The following SLC66A1 variants were observed in gnomAD, a reference collection of about 807,000 sequenced individuals.
The protein encoded by SLC66A1 is lysosomal amino acid transporter 1 homolog.
A neutral mutation model predicts 33.0 loss-of-function variants in SLC66A1; 23 were observed. That is an observed-to-expected ratio of 0.70 (90% CI 0.50 to 0.99). The LOEUF is 0.99. Ranked by LOEUF, SLC66A1 falls within the 50% of genes least tolerant of loss-of-function variation. The pLI is 0.00. For synonymous variants in SLC66A1, 164 were observed against 175.5 expected, an observed-to-expected ratio of 0.93 and a Z score of 0.52; for missense variants, 335 against 383.6, an observed-to-expected ratio of 0.87 and a Z score of 1.06.
Position 19,327,375 on chromosome 1 carries a change from T to C in SLC66A1, c.767T>C (p.Leu256Pro), listed in dbSNP as rs767598807. The C allele has an allele frequency of 2.5e-6, 4 of 1,605,092 alleles. No homozygotes were observed. Among genetic ancestry groups the C allele is most frequent in the Non-Finnish European group, 3.4e-6 (4 of 1,175,454 alleles). The change falls in exon 7 of 8, where the codon CTT becomes CCT. Residue 256 changes from leucine (L) to proline (P), a missense_variant. Physicochemically the swap from Leu to Pro is moderately conservative, Grantham distance 98. Coordinates refer to ENST00000375153, the MANE Select transcript of SLC66A1 (RefSeq NM_001040125.2). ...TACCTGCTGCACCACCTGCCCTGGC[T>C]TGTGGGCAGCCTGGGCGTGCTGCTG... ...GSYLLHHLPW[L>P]VGSLGVLLLD...
At position 19,324,172 on chromosome 1, in the gene SLC66A1, C is replaced by A. The variant is rs150800878; in HGVS notation, c.165-461C>A. On this transcript the variant is annotated intron_variant, in intron 2 of 7. Transcript: ENST00000375153. ...TCTGCCTGTCTTGGCTACAGCTGCT[C>A]CTGGAGACCCGGCGTGCCCAGGCCT... Among the ~76,000 whole-genome samples the A allele has an allele frequency of 2.4e-3, 371 of 152,382 alleles. 2 individuals are homozygous for A. Among genetic ancestry groups the A allele is most frequent in the African/African-American group, 8.3e-3 (347 of 41,594 alleles).
rs961129608 is a variant in SLC66A1, at chr1:19,328,584, T to C, written c.817T>C (p.Phe273Leu). Reference sequence around the variant, plus strand: ...GCGGCACCCCCAGATCTCCATCCAGTTCCTGGTGTACAGGCGCAGCACCGC... The same window carrying C: ...GCGGCACCCCCAGATCTCCATCCAGCTCCTGGTGTACAGGCGCAGCACCGC... The part of the protein sequence containing the change: ...LLLDTIISIQ[F>L]LVYRRSTAAS... Residue 273 changes from phenylalanine to leucine, a missense_variant, in exon 8 of 8, where the codon TTC becomes CTC. Transcript: ENST00000375153. This position sits in a 1 kb window ranked among gnomAD's most constrained non-coding sequence, Gnocchi z 4.7. 11 of 1,613,346 alleles carry C rather than the reference T, an allele frequency of 6.8e-6. No homozygotes were observed. The highest frequency in any genetic ancestry group is 1.7e-5 in the Admixed American group (1 of 59,966).
At chr1:19,322,623 G>A (rs1442766228) in intron 2 of SLC66A1, among the ~76,000 whole-genome samples, 2 of 152,156 alleles carry the variant, frequency 1.3e-5, no homozygotes, top group Non-Finnish European at 2.9e-5. Context: ...AGATGCCAGC[G>A]GAGCTCGTGT....
At chr1:19,323,866 C>A (rs1298761599) in intron 2 of SLC66A1, among the ~76,000 whole-genome samples, 3 of 152,184 alleles carry the variant, frequency 2.0e-5, no homozygotes, top group Non-Finnish European at 2.9e-5. Flanking sequence ...TTCCTCCAGG[C>A]CCAGTGAGGA....
rs1016477584 is a variant in SLC66A1 at position 19,314,555 on chromosome 1, G to A, written c.-79+1666G>A. Among the ~76,000 whole-genome samples the A allele has an allele frequency of 5.9e-5, 9 of 152,316 alleles. No individual in the cohort carries two copies. In the East Asian group the frequency reaches 7.7e-4, roughly 13 times the overall value. Reference sequence around the variant, plus strand: ...CTGGACTCTCATCCTGAAAACAGTCGCTGCCATGTGTTGTCAGGCACAGGG... The same window carrying A: ...CTGGACTCTCATCCTGAAAACAGTCACTGCCATGTGTTGTCAGGCACAGGG... On this transcript the variant is annotated intron_variant, in intron 1 of 7. Coordinates refer to ENST00000375153, the MANE Select transcript of SLC66A1 (RefSeq NM_001040125.2).
chr1:19,322,248 G>C (rs1019240708), intron 2 of SLC66A1, among the ~76,000 whole-genome samples: 2 of 152,132 alleles, frequency 1.3e-5, no homozygotes, highest in African/African-American at 4.8e-5. Flanking sequence ...CTGTCCAGGG[G>C]TGAGAGCTTC....
At chr1:19,325,646 GGC>G in intron 4 of SLC66A1, 64 bp downstream of exon 4, 1 of 1,272,034 alleles carries the variant, frequency 7.9e-7, no homozygotes, top group Non-Finnish European at 1.1e-6. Flanking sequence ...TGTGGGGGGG[GGC>G]GCCTGGAGTG....
chr1:19,324,507 C>T, intron 2 of SLC66A1, 126 bp from the exon 3 acceptor site: 1 of 1,233,860 alleles, frequency 8.1e-7, no homozygotes, highest in East Asian at 2.4e-5. Flanking sequence ...GATGGGCCGC[C>T]AGGCCACTTC....
downstream of SLC66A1, among the ~76,000 whole-genome samples, chr1:19,330,720 C>T (rs573489643): frequency 6.6e-6 from 1 of 152,256 alleles, no homozygotes; most frequent in East Asian, 1.9e-4. Context: ...AAAGCCACAC[C>T]AATGCCAAGG....
intron 2 of SLC66A1, among the ~76,000 whole-genome samples, chr1:19,321,885 G>A (rs2093839648): frequency 6.6e-6 from 1 of 152,230 alleles, no homozygotes; most frequent in East Asian, 1.9e-4. Context: ...TTGTCCCAGC[G>A]CCAGGTGTTG....
At chr1:19,322,115 G>A (rs2093840853) in intron 2 of SLC66A1, among the ~76,000 whole-genome samples, 1 of 152,100 alleles carries the variant, frequency 6.6e-6, no homozygotes. Flanking sequence ...GTGGAGGCAG[G>A]GAGGCCACCT....
intron 2 of SLC66A1, among the ~76,000 whole-genome samples, chr1:19,318,740 G>A (rs1428950511): frequency 1.3e-5 from 2 of 151,440 alleles, no homozygotes; most frequent in Non-Finnish European, 2.9e-5. Flanking sequence ...TTGAGGTCGG[G>A]AGTTTGAGAC....
chr1:19,320,682 T>A (rs1477487482), intron 2 of SLC66A1, among the ~76,000 whole-genome samples: 2 of 151,604 alleles, frequency 1.3e-5, no homozygotes, highest in African/African-American at 2.4e-5. Flanking sequence ...CCCAAAGTGC[T>A]GGGATTACAG....
chr1:19,318,611 G>GAC (rs2093817943), intron 2 of SLC66A1, among the ~76,000 whole-genome samples: 1 of 152,088 alleles, frequency 6.6e-6, no homozygotes, highest in Admixed American at 6.5e-5. Flanking sequence ...ACAGAAGAGG[G>GAC]ACACCCACCT....
intron 1 of SLC66A1, among the ~76,000 whole-genome samples, chr1:19,316,219 C>G (rs1434548309): frequency 6.6e-6 from 1 of 152,212 alleles, no homozygotes; most frequent in Non-Finnish European, 1.5e-5. Flanking sequence ...GGCATCCCCC[C>G]CACACTCTGT....
At chr1:19,319,605 G>GTTTTTTTTTTTTTTTTTTTTTTTTTTT (rs569177720) in intron 2 of SLC66A1, among the ~76,000 whole-genome samples, 7 of 111,856 alleles carry the variant, frequency 6.3e-5, no homozygotes, top group East Asian at 2.8e-4. Context: ...GCACATTCAT[G>GTTTTTTTTTTTTTTTTTTTTTTTTTTT]TTTTTTTTTT....
the SLC66A1 span, among the ~76,000 whole-genome samples, chr1:19,334,460 C>A: frequency 6.6e-6 from 1 of 152,090 alleles, no homozygotes; most frequent in African/African-American, 2.4e-5. Context: ...GAGAAAAATA[C>A]AAATTGAAAT....
At chr1:19,316,247 C>T (rs1464839560) in intron 1 of SLC66A1, among the ~76,000 whole-genome samples, 1 of 152,212 alleles carries the variant, frequency 6.6e-6, no homozygotes, top group Admixed American at 6.5e-5. Flanking sequence ...TGGGAGAATA[C>T]AGGCTGCATC....
At chr1:19,323,888 TA>T (rs1321141331) in intron 2 of SLC66A1, among the ~76,000 whole-genome samples, 1 of 152,170 alleles carries the variant, frequency 6.6e-6, no homozygotes, top group Non-Finnish European at 1.5e-5. Context: ...GTCATCGTGG[TA>T]GACTGGACAG....
Sources: allele counts gnomAD v4.1 joint callset (sites outside exome capture counted in the v4.1 genomes callset), GRCh38; gene constraint gnomAD v4.1.1; non-coding constraint Gnocchi (gnomAD v3.1); transcripts MANE v1.5; gene names NCBI Gene and HGNC (gene_info 2026-07-23, HGNC 2026-07-21).